The following SIK2 variants were observed in gnomAD, a reference collection of about 807,000 sequenced individuals.
SIK2 encodes serine/threonine-protein kinase SIK2.
A neutral mutation model predicts 103.2 loss-of-function variants in SIK2; 29 were observed. The ratio of observed to expected loss-of-function variants is 0.28; its 90% CI spans 0.21 to 0.38. The LOEUF is 0.38. Ranked by LOEUF, SIK2 falls within the 10% of genes least tolerant of loss-of-function variation. The pLI is 1.00. For missense variants in SIK2, 879 were observed against 1,171.0 expected, an observed-to-expected ratio of 0.75 and a Z score of 3.64; for synonymous variants, 412 against 446.1, an observed-to-expected ratio of 0.92 and a Z score of 0.96.
chr11:111,716,769 C>T (rs1414905472), intron 9 of SIK2, among the ~76,000 whole-genome samples: 1 of 152,002 alleles, frequency 6.6e-6, no homozygotes, highest in African/African-American at 2.4e-5. Flanking sequence ...AGGGGTACTG[C>T]CGGGTATTTT....
In SIK2 at chr11:111,632,332, A is replaced by T. The variant is rs186143736; in HGVS notation, c.316+11930A>T. The stretch of plus-strand genomic sequence containing the variant: ...AGTAAGTCATCTTGTTAAAATAAAA[A>T]TTTGATCCTGTTAAAAATTTTCAGG... On this transcript the variant is annotated intron_variant, in intron 3 of 14. Transcript: ENST00000304987. Among the ~76,000 whole-genome samples, 4 of 152,284 alleles carry T rather than the reference A, an allele frequency of 2.6e-5. No individual in the cohort carries two copies. The East Asian group carries it at 7.7e-4, about 29-fold the overall frequency.
chr11:111,719,782 G>T lies in SIK2; in HGVS notation c.1274G>T (p.Gly425Val). ...EECVDTPKVN[G>V]CLLDPVPPVL... ...CTCTCCCCTGGCGTTTAGGTCAATGGCTGTCTGCTTGACCCTGTGCCTCCT... is the reference window on the plus strand; with the variant it reads ...CTCTCCCCTGGCGTTTAGGTCAATGTCTGTCTGCTTGACCCTGTGCCTCCT... Residue 425 changes from glycine (G) to valine (V), a missense_variant, in exon 10 of 15, where the codon GGC becomes GTC. By Grantham distance (109) the Gly-to-Val change is moderately radical. Around this residue, in one of 7 missense-constraint regions of SIK2, gnomAD observed 222 missense variants for 258.0 expected, o/e 0.86. Coordinates refer to ENST00000304987, the MANE Select transcript of SIK2 (RefSeq NM_015191.3). 9 of 1,613,028 alleles carry T rather than the reference G, an allele frequency of 5.6e-6. No homozygotes were observed. The highest frequency in any genetic ancestry group is 7.6e-6 in the Non-Finnish European group (9 of 1,179,740).
intron 3 of SIK2, among the ~76,000 whole-genome samples, chr11:111,669,912 T>A (rs1156802755): frequency 6.6e-6 from 1 of 152,248 alleles, no homozygotes; most frequent in Non-Finnish European, 1.5e-5. Context: ...AATACTTTTT[T>A]AATTGATACA....
chr11:111,664,698 C>CCA, intron 3 of SIK2, among the ~76,000 whole-genome samples: 1 of 138,340 alleles, frequency 7.2e-6, no homozygotes, highest in East Asian at 2.5e-4. Flanking sequence ...ACCACCCCCC[C>CCA]CACACACACA....
intron 3 of SIK2, among the ~76,000 whole-genome samples, chr11:111,639,616 T>TG (rs1942154717): frequency 1.3e-5 from 2 of 152,258 alleles, no homozygotes; most frequent in Non-Finnish European, 2.9e-5. Flanking sequence ...TTTCTTTAGA[T>TG]GTGTACCTCA....
intron 4 of SIK2, among the ~76,000 whole-genome samples, chr11:111,690,687 C>T (rs1287306267): frequency 1.3e-5 from 2 of 151,848 alleles, no homozygotes; most frequent in Non-Finnish European, 2.9e-5. Context: ...GTTCAACTCC[C>T]ACTTATGAGT....
At chr11:111,662,100 T>A (rs1942475107) in intron 3 of SIK2, among the ~76,000 whole-genome samples, 1 of 152,208 alleles carries the variant, frequency 6.6e-6, no homozygotes, top group Admixed American at 6.5e-5. Context: ...AGAGGAGTGT[T>A]CTTGAGCAGA....
chr11:111,614,998 AC>A (rs1416691754), intron 1 of SIK2, among the ~76,000 whole-genome samples: 1 of 152,018 alleles, frequency 6.6e-6, no homozygotes, highest in African/African-American at 2.4e-5. Flanking sequence ...AATTAGCCAG[AC>A]GTGGTGGCAC....
chr11:111,717,664 T>A (rs568345374), intron 9 of SIK2, among the ~76,000 whole-genome samples: 1 of 152,364 alleles, frequency 6.6e-6, no homozygotes, highest in East Asian at 1.9e-4. Context: ...GCAGCTCTAT[T>A]CACAACAGCA....
At chr11:111,686,744 G>A (rs547337909) in intron 3 of SIK2, among the ~76,000 whole-genome samples, 1 of 152,294 alleles carries the variant, frequency 6.6e-6, no homozygotes, top group South Asian at 2.1e-4. Context: ...TAATTTTTAG[G>A]TAAGCTTCTT....
At chr11:111,645,871 G>A (rs890772542) in intron 3 of SIK2, among the ~76,000 whole-genome samples, 5 of 152,068 alleles carry the variant, frequency 3.3e-5, no homozygotes, top group African/African-American at 9.7e-5. Flanking sequence ...GGGGGCGAGA[G>A]GGAGGAAGTT....
intron 3 of SIK2, among the ~76,000 whole-genome samples, chr11:111,659,628 A>G (rs1304741909): frequency 7.2e-5 from 11 of 152,046 alleles, no homozygotes; most frequent in Non-Finnish European, 1.3e-4. Flanking sequence ...TCCATTTTTT[A>G]AAGCTCTTTC....
intron 3 of SIK2, among the ~76,000 whole-genome samples, chr11:111,668,243 GGAAA>G (rs1942576459): frequency 6.6e-6 from 1 of 151,968 alleles, no homozygotes; most frequent in Non-Finnish European, 1.5e-5. Context: ...CATGCACAAG[GGAAA>G]GAGAGACACT....
chr11:111,664,131 C>T (rs1210402673), intron 3 of SIK2, among the ~76,000 whole-genome samples: 1 of 152,236 alleles, frequency 6.6e-6, no homozygotes, highest in Non-Finnish European at 1.5e-5. Context: ...AAAATTTCTC[C>T]TCTTTAATCA....
rs151089855 is a variant in SIK2 at position 111,683,761 on chromosome 11, G to A, written c.317-4240G>A. Reference sequence around the variant, plus strand: ...GCTGCCACACCAGCCCATCAATAAGGTTTTTAATGTGAAACATAAATGTGC... The same window carrying A: ...GCTGCCACACCAGCCCATCAATAAGATTTTTAATGTGAAACATAAATGTGC... On this transcript the variant is annotated intron_variant, in intron 3 of 14. Coordinates refer to ENST00000304987, the MANE Select transcript of SIK2 (RefSeq NM_015191.3). Among the ~76,000 whole-genome samples, 5 of 152,220 alleles carry A rather than the reference G, an allele frequency of 3.3e-5. No homozygotes were observed. In the East Asian group the frequency reaches 9.7e-4, roughly 29 times the overall value.
At chr11:111,649,752 G>A (rs1942304097) in intron 3 of SIK2, among the ~76,000 whole-genome samples, 1 of 152,106 alleles carries the variant, frequency 6.6e-6, no homozygotes, top group Non-Finnish European at 1.5e-5. Context: ...TCTCTGTGAT[G>A]GCATAGGTGG....
At chr11:111,707,147 C>T (rs1490374695) in intron 8 of SIK2, among the ~76,000 whole-genome samples, 2 of 152,066 alleles carry the variant, frequency 1.3e-5, no homozygotes, top group Non-Finnish European at 2.9e-5. Flanking sequence ...GAACTCTTTC[C>T]TTCTTGCAAA....
At chr11:111,609,027 C>A (rs1371633861) in intron 1 of SIK2, among the ~76,000 whole-genome samples, 11 of 151,840 alleles carry the variant, frequency 7.2e-5, no homozygotes, top group Non-Finnish European at 1.6e-4. Flanking sequence ...TTTTAATTAA[C>A]AAATACATGT....
At position 111,726,850 on chromosome 11, in the gene SIK2, C is replaced by G. The variant is rs534851465; in HGVS notation, c.*2721C>G. The G allele has an allele frequency of 3.3e-6, 3 of 895,712 alleles. No individual in the cohort carries two copies. Among genetic ancestry groups the G allele is most frequent in the Non-Finnish European group, 5.3e-6 (3 of 563,854 alleles). 55.5% of individuals were successfully genotyped at this position (895,712 alleles called of 1,614,324 possible). ...TCATCAGCTTCATCACCCTGTAAAC[C>G]AGGCTCCTCTGAAGAGACTTTGGTG... On this transcript the variant is annotated 3_prime_UTR_variant, in exon 15 of 15. Transcript: ENST00000304987.
Sources: gnomAD v4.1 joint callset for allele counts (sites outside exome capture counted in the v4.1 genomes callset) on GRCh38, gnomAD v4.1.1 for gene constraint, gnomAD v4.1.1 regional missense constraint, MANE v1.5 for transcripts, NCBI Gene and HGNC (gene_info 2026-07-23, HGNC 2026-07-21) for gene names.